The following GULP1 variants were observed in gnomAD, a reference collection of about 807,000 sequenced individuals.
GULP1 encodes PTB domain-containing engulfment adapter protein 1.
In GULP1, 19 loss-of-function variants were observed where a neutral mutation model predicts 40.9. The observed-to-expected ratio is 0.46, with a 90% CI of 0.32 to 0.68. GULP1 has a LOEUF of 0.68. Ranked by LOEUF, GULP1 falls within the 30% of genes least tolerant of loss-of-function variation. GULP1 has a pLI of 0.03. For missense variants in GULP1, 312 were observed against 362.2 expected, an observed-to-expected ratio of 0.86 and a Z score of 1.12; for synonymous variants, 119 against 117.6, an observed-to-expected ratio of 1.01 and a Z score of -0.08.
At chr2:188,450,922 C>T (rs533775587) in intron 2 of GULP1, among the ~76,000 whole-genome samples, 47 of 152,230 alleles carry the variant, frequency 3.1e-4, no homozygotes, top group African/African-American at 1.1e-3. Flanking sequence ...AGCAACATTT[C>T]CCCATCTCAG....
chr2:188,343,182 A>G (rs746709686), intron 1 of GULP1, among the ~76,000 whole-genome samples: 8 of 152,090 alleles, frequency 5.3e-5, no homozygotes, highest in African/African-American at 1.7e-4. Context: ...AAAAAAAAAC[A>G]TAGAATAAAA....
chr2:188,299,075 C>T (rs554721836), intron 1 of GULP1, among the ~76,000 whole-genome samples: 2 of 152,208 alleles, frequency 1.3e-5, no homozygotes, highest in Admixed American at 1.3e-4. Context: ...ATTTTAAAGA[C>T]AGCAGGGGTA....
chr2:188,444,445 C>T (rs942918902), intron 2 of GULP1, among the ~76,000 whole-genome samples: 3 of 152,170 alleles, frequency 2.0e-5, no homozygotes, highest in Admixed American at 6.5e-5. Flanking sequence ...CTGGTCTTTG[C>T]TTCCAGGTTA....
intron 1 of GULP1, among the ~76,000 whole-genome samples, chr2:188,337,110 ATAT>A: frequency 1.3e-5 from 2 of 151,152 alleles, no homozygotes; most frequent in South Asian, 2.1e-4. Context: ...ATCTATATCT[ATAT>A]CTATATCTAT....
chr2:188,512,679 A>G (rs1450747783), intron 4 of GULP1, among the ~76,000 whole-genome samples: 1 of 152,164 alleles, frequency 6.6e-6, no homozygotes, highest in African/African-American at 2.4e-5. Flanking sequence ...GAAGCAAGTT[A>G]TAAAACAACT....
intron 1 of GULP1, among the ~76,000 whole-genome samples, chr2:188,332,795 A>G (rs553652542): frequency 6.6e-6 from 1 of 152,212 alleles, no homozygotes; most frequent in African/African-American, 2.4e-5. Flanking sequence ...CAGAACTGTG[A>G]GTAATTTGAT....
chr2:188,421,960 C>T (rs4666761), intron 2 of GULP1, among the ~76,000 whole-genome samples: 139,409 of 152,172 alleles, frequency 0.92, 63,981 homozygotes, highest in East Asian at 1. Flanking sequence ...GAAAAAGTAT[C>T]GGACCAAAAC....
At chr2:188,327,551 C>T (rs537286947) in intron 1 of GULP1, among the ~76,000 whole-genome samples, 3 of 152,142 alleles carry the variant, frequency 2.0e-5, no homozygotes, top group African/African-American at 7.2e-5. Context: ...TTCAGGGCTC[C>T]TTATTTTTTC....
At chr2:188,296,624 A>G (rs2035008544) in intron 1 of GULP1, among the ~76,000 whole-genome samples, 1 of 152,116 alleles carries the variant, frequency 6.6e-6, no homozygotes, top group Admixed American at 6.5e-5. Flanking sequence ...TAATATGAAT[A>G]AGTAAGTTAA....
chr2:188,587,874 A>G lies in GULP1; in HGVS notation c.768A>G (p.Ala256=). The change falls in exon 11 of 12, where the codon GCA becomes GCG. Residue 256 remains alanine, a synonymous_variant. Transcript: ENST00000409830. ...TTGCAGAACGGGACCTGTTTGGAGC[A>G]GAACCTTTTGACCCATTTAACTGTG... ...STEIKRDLFG[A]EPFDPFNCGA... 6.2e-7 allele frequency: 1 copy of G among 1,607,628 alleles called. No homozygotes were observed. The highest frequency in any genetic ancestry group is 8.5e-7 in the Non-Finnish European group (1 of 1,174,340).
chr2:188,353,018 A>G (rs896759399), intron 1 of GULP1, among the ~76,000 whole-genome samples: 2 of 152,182 alleles, frequency 1.3e-5, no homozygotes, highest in Admixed American at 1.3e-4. Flanking sequence ...CAGAAACATG[A>G]GCTAAGTTTG....
intron 2 of GULP1, among the ~76,000 whole-genome samples, chr2:188,446,171 G>T (rs750793190): frequency 1.3e-5 from 2 of 152,068 alleles, no homozygotes; most frequent in Non-Finnish European, 1.5e-5. Flanking sequence ...AATAAAATGA[G>T]ATATTCTTCT....
chr2:188,547,417 A>G (rs1692257671), intron 7 of GULP1, among the ~76,000 whole-genome samples: 1 of 152,116 alleles, frequency 6.6e-6, no homozygotes, highest in Non-Finnish European at 1.5e-5. Context: ...ACAAGGTCCC[A>G]CAATAGGCCC....
chr2:188,466,283 GT>G lies in GULP1; in HGVS notation c.-44-11367del, dbSNP rs748651377. On this transcript the variant is annotated intron_variant, in intron 2 of 11. Coordinates refer to ENST00000409830, the MANE Select transcript of GULP1 (RefSeq NM_016315.4). ...GGTTTTTATTTGACCTCAGTGGCTG[GT>G]TTTTTTTTCCCCCCCCGGAGTCTTG... Among the ~76,000 whole-genome samples the G allele has an allele frequency of 9.2e-3, 1,347 of 146,786 alleles. 29 individuals are homozygous for G. Among genetic ancestry groups the G allele is most frequent in the African/African-American group, 0.029 (1,111 of 37,812 alleles).
At chr2:188,535,864 T>C (rs955515609) in intron 6 of GULP1, among the ~76,000 whole-genome samples, 1 of 152,280 alleles carries the variant, frequency 6.6e-6, no homozygotes, top group South Asian at 2.1e-4. Context: ...ATCTGTTGTT[T>C]TTGACTTTTT....
At chr2:188,479,935 T>G (rs535548465) in intron 3 of GULP1, among the ~76,000 whole-genome samples, 1 of 152,258 alleles carries the variant, frequency 6.6e-6, no homozygotes, top group Non-Finnish European at 1.5e-5. Context: ...TCATTCTCTT[T>G]GAATTTCTTT....
intron 2 of GULP1, among the ~76,000 whole-genome samples, chr2:188,474,041 A>G (rs1441285506): frequency 1.3e-5 from 2 of 152,148 alleles, no homozygotes; most frequent in Non-Finnish European, 2.9e-5. Flanking sequence ...AAGAGAAAGG[A>G]TTATCTTCTG....
At chr2:188,306,819 G>A (rs1187797277) in intron 1 of GULP1, among the ~76,000 whole-genome samples, 1 of 152,226 alleles carries the variant, frequency 6.6e-6, no homozygotes. Context: ...CTGAGTTGAT[G>A]TCTGCCAATA....
intron 9 of GULP1, among the ~76,000 whole-genome samples, chr2:188,573,065 C>G (rs1222289991): frequency 6.6e-6 from 1 of 151,998 alleles, no homozygotes; most frequent in Non-Finnish European, 1.5e-5. Flanking sequence ...AAAGTGAACT[C>G]AAGAGCATTT....
Sources: gnomAD v4.1 joint callset for allele counts (sites outside exome capture counted in the v4.1 genomes callset) on GRCh38, gnomAD v4.1.1 for gene constraint, MANE v1.5 for transcripts, NCBI Gene and HGNC (gene_info 2026-07-23, HGNC 2026-07-21) for gene names.